The following UMAD1 variants were observed in gnomAD, a reference collection of about 807,000 sequenced individuals.
UMAD1 encodes UBAP1-MVB12-associated (UMA)-domain containing protein 1.
In UMAD1, 8 loss-of-function variants were observed where a neutral mutation model predicts 6.1. The observed-to-expected ratio is 1.30, with a 90% confidence interval of 0.76 to 2.35. The LOEUF (loss-of-function observed/expected upper bound fraction) is 2.35. UMAD1 is among the 30% of genes most tolerant of loss of function. The pLI is 0.00. For synonymous variants in UMAD1, 56 were observed against 31.4 expected, an observed-to-expected ratio of 1.78 and a Z score of -2.61; for missense variants, 130 against 78.4, an observed-to-expected ratio of 1.66 and a Z score of -2.49.
chr7:7,806,395 A>G (rs1463461698), intron 3 of UMAD1, among the ~76,000 whole-genome samples: 1 of 152,032 alleles, frequency 6.6e-6, no homozygotes, highest in Non-Finnish European at 1.5e-5. Context: ...TAATGCTTAG[A>G]TTGTCTTTTA....
chr7:7,673,246 TA>T (rs35632736), intron 1 of UMAD1, 62 bp from the exon 2 acceptor site: 1 of 982,320 alleles, frequency 1.0e-6, no homozygotes, highest in Non-Finnish European at 1.6e-6. Context: ...AACTTTTTGC[TA>T]AAAAGGGTAA....
intron 2 of UMAD1, among the ~76,000 whole-genome samples, chr7:7,783,885 C>T (rs1010057830): frequency 2.6e-5 from 4 of 152,114 alleles, no homozygotes; most frequent in South Asian, 2.1e-4. Flanking sequence ...AAGACTGACA[C>T]GGTATGCTGT....
intron 3 of UMAD1, among the ~76,000 whole-genome samples, chr7:7,803,201 C>T (rs1008092689): frequency 3.9e-5 from 6 of 152,202 alleles, no homozygotes; most frequent in African/African-American, 1.2e-4. Flanking sequence ...TGAGGCTGGG[C>T]GTAGTGGCCC....
chr7:7,708,933 G>A (rs1171541388), intron 2 of UMAD1, among the ~76,000 whole-genome samples: 2 of 151,988 alleles, frequency 1.3e-5, no homozygotes, highest in African/African-American at 2.4e-5. Context: ...GTGTCTGTGT[G>A]TGTGTGAGAG....
intron 3 of UMAD1, among the ~76,000 whole-genome samples, chr7:7,849,516 G>T (rs1292748562): frequency 6.6e-6 from 1 of 152,064 alleles, no homozygotes; most frequent in Non-Finnish European, 1.5e-5. Flanking sequence ...AATTCTGGGA[G>T]GTCTTCTGAA....
intron 1 of UMAD1, among the ~76,000 whole-genome samples, chr7:7,654,808 G>A (rs1785303357): frequency 6.6e-6 from 1 of 151,556 alleles, no homozygotes; most frequent in Admixed American, 6.6e-5. Flanking sequence ...GGAGGCTGAG[G>A]CAGGAGAATC....
At chr7:7,713,880 G>C (rs1184146720) in intron 2 of UMAD1, among the ~76,000 whole-genome samples, 1 of 152,084 alleles carries the variant, frequency 6.6e-6, no homozygotes, top group Non-Finnish European at 1.5e-5. Context: ...ACCCAGGCTG[G>C]AGTGCAGTGG....
intron 2 of UMAD1, among the ~76,000 whole-genome samples, chr7:7,782,524 A>G (rs1319723089): frequency 1.3e-5 from 2 of 151,968 alleles, no homozygotes; most frequent in Non-Finnish European, 2.9e-5. Context: ...TTTACTTTCA[A>G]TTTTTAAAAT....
chr7:7,780,149 C>T (rs1782314785), intron 2 of UMAD1, among the ~76,000 whole-genome samples: 1 of 152,224 alleles, frequency 6.6e-6, no homozygotes, highest in South Asian at 2.1e-4. Flanking sequence ...AGAACTTAAA[C>T]AGGTTCCAGT....
intron 3 of UMAD1, among the ~76,000 whole-genome samples, chr7:7,836,605 T>C (rs1783575276): frequency 1.3e-5 from 2 of 151,880 alleles, no homozygotes; most frequent in South Asian, 4.1e-4. Flanking sequence ...ACTAAATATG[T>C]TTACTATATT....
chr7:7,756,173 G>A (rs980396180), intron 2 of UMAD1, among the ~76,000 whole-genome samples: 1 of 152,282 alleles, frequency 6.6e-6, no homozygotes, highest in Non-Finnish European at 1.5e-5. Context: ...GTTGGAAAAT[G>A]AAGATAGCCT....
At chr7:7,711,604 A>G (rs1345214211) in intron 2 of UMAD1, among the ~76,000 whole-genome samples, 1 of 152,126 alleles carries the variant, frequency 6.6e-6, no homozygotes, top group Non-Finnish European at 1.5e-5. Context: ...TTTATAATGG[A>G]ATTGGACATT....
chr7:7,743,120 A>T (rs550386958), intron 2 of UMAD1, among the ~76,000 whole-genome samples: 50 of 152,328 alleles, frequency 3.3e-4, no homozygotes, highest in African/African-American at 1.2e-3. Context: ...CTGTGTAAGT[A>T]TGTATCTAAA....
At chr7:7,667,136 GTATA>G (rs1269728870) in intron 1 of UMAD1, among the ~76,000 whole-genome samples, 1 of 152,172 alleles carries the variant, frequency 6.6e-6, no homozygotes, top group Non-Finnish European at 1.5e-5. Context: ...TCCCCCACCT[GTATA>G]GAGGTAGCTC....
In UMAD1 at chr7:7,663,214, AT is replaced by A. The variant is rs143721625; in HGVS notation, c.-63-10093del. Among the ~76,000 whole-genome samples, 332 of 148,686 alleles carry A rather than the reference AT, an allele frequency of 2.2e-3. 2 individuals carry two copies. The highest frequency in any genetic ancestry group is 7.8e-3 in the African/African-American group (317 of 40,614). ...AAAAAGTCTGGTCTTGACCTGCTAA[AT>A]TGTTTACTTCCACTCAAGGGTTGGA... On this transcript the variant is annotated intron_variant, in intron 1 of 3. Transcript: ENST00000682710.
intron 2 of UMAD1, among the ~76,000 whole-genome samples, chr7:7,678,141 T>C (rs1183528632): frequency 4.7e-5 from 1 of 21,468 alleles, no homozygotes; most frequent in Non-Finnish European, 8.1e-5. Context: ...GTTCTGTTTT[T>C]AGTTTTTTTG....
chr7:7,753,080 A>G (rs972659533), intron 2 of UMAD1, among the ~76,000 whole-genome samples: 2 of 152,188 alleles, frequency 1.3e-5, no homozygotes, highest in African/African-American at 4.8e-5. Flanking sequence ...AAAAGAAAAT[A>G]CTTGACCTTC....
rs563524521 is a variant in UMAD1, at chr7:7,643,790, C to G, written c.-64+2969C>G. Among the ~76,000 whole-genome samples, 8 of 151,650 alleles carry G rather than the reference C, an allele frequency of 5.3e-5. No homozygotes were observed. The South Asian group carries it at 1.7e-3, about 31-fold the overall frequency. On this transcript the variant is annotated intron_variant, in intron 1 of 3. Coordinates refer to ENST00000682710, the MANE Select transcript of UMAD1 (RefSeq NM_001302348.2). Reference sequence around the variant, plus strand: ...CACTTGACCTACTCTCTTTAACCTTCACATTCCCGCTTGGGTCTCTAACAA... The same window carrying G: ...CACTTGACCTACTCTCTTTAACCTTGACATTCCCGCTTGGGTCTCTAACAA...
chr7:7,707,547 G>A (rs975254049), intron 2 of UMAD1, among the ~76,000 whole-genome samples: 2 of 152,106 alleles, frequency 1.3e-5, no homozygotes, highest in African/African-American at 4.8e-5. Flanking sequence ...TTTAAAATAT[G>A]AATATATAAA....
Sources: allele counts gnomAD v4.1 joint callset (sites outside exome capture counted in the v4.1 genomes callset), GRCh38; gene constraint gnomAD v4.1.1; transcripts MANE v1.5; gene names NCBI Gene and HGNC (gene_info 2026-07-23, HGNC 2026-07-21).